SNTG1: variants seen among roughly 807,000 people sequenced by gnomAD.
SNTG1 encodes the protein syntrophin gamma 1, also known as gamma-1-syntrophin.
SNTG1 carries 39 observed loss-of-function variants against 74.7 expected under a neutral mutation model. That is an observed-to-expected ratio of 0.52 (90% CI 0.40 to 0.68). The LOEUF (loss-of-function observed/expected upper bound fraction) is 0.68. Among genes scored for constraint, SNTG1 ranks in the 30% least tolerant of loss-of-function variants. SNTG1 has a pLI of 0.00. For missense variants in SNTG1, 685 were observed against 609.5 expected, an observed-to-expected ratio of 1.12 and a Z score of -1.30; for synonymous variants, 254 against 217.1, an observed-to-expected ratio of 1.17 and a Z score of -1.49.
intron 2 of SNTG1, among the ~76,000 whole-genome samples, chr8:50,237,888 A>G (rs1246862498): frequency 6.6e-6 from 1 of 152,184 alleles, no homozygotes; most frequent in Non-Finnish European, 1.5e-5. Context: ...ATATTTAGAT[A>G]TGAAACTCTG....
In SNTG1 at chr8:50,184,832, C is replaced by T. The variant is rs544102110; in HGVS notation, c.-28+12197C>T. 3.3e-5 allele frequency among the ~76,000 whole-genome samples: 5 copies of T among 152,178 alleles called. No individual in the cohort carries two copies. The South Asian group carries it at 1.0e-3, about 32-fold the overall frequency. On this transcript the variant is annotated intron_variant, in intron 2 of 18. Transcript: ENST00000642720. ...TTGAGGAAAAAAAATTAAAATGTTC[C>T]TAGTTCAGTATTAAATATCCTTTTT...
intron 1 of SNTG1, among the ~76,000 whole-genome samples, chr8:49,978,510 G>A (rs1812390222): frequency 6.6e-6 from 1 of 152,164 alleles, no homozygotes; most frequent in South Asian, 2.1e-4. Context: ...TCATGGCCAC[G>A]ATCACTGAAG....
chr8:49,944,853 T>A (rs1322436263), intron 1 of SNTG1, among the ~76,000 whole-genome samples: 1 of 150,214 alleles, frequency 6.7e-6, no homozygotes, highest in African/African-American at 2.4e-5. Context: ...AGTGGCGCAA[T>A]CTCGGCTCAC....
chr8:50,444,002 G>A (rs1394685868), intron 5 of SNTG1, among the ~76,000 whole-genome samples: 1 of 152,036 alleles, frequency 6.6e-6, no homozygotes, highest in African/African-American at 2.4e-5. Flanking sequence ...TCTGGGCATG[G>A]TGGCACATGC....
Position 49,952,953 on chromosome 8 carries a change from G to C in SNTG1, c.-103+40722G>C, listed in dbSNP as rs1398852073. 1.3e-5 allele frequency among the ~76,000 whole-genome samples: 2 copies of C among 152,164 alleles called. 1 individual carries two copies. The highest frequency in any genetic ancestry group is 2.9e-5 in the Non-Finnish European group (2 of 68,030). On this transcript the variant is annotated intron_variant, in intron 1 of 18. Transcript: ENST00000642720. ...GGCATAGGCAGAAATCAATTGTTCAGTATCATGTACGTTCATGTAGATAAA... is the reference window on the plus strand; with the variant it reads ...GGCATAGGCAGAAATCAATTGTTCACTATCATGTACGTTCATGTAGATAAA...
Position 50,236,447 on chromosome 8 carries a change from TA to T in SNTG1, c.-28+63815del, listed in dbSNP as rs201987420. On this transcript the variant is annotated intron_variant, in intron 2 of 18. Transcript: ENST00000642720. ...AATGTTTACAGAAACTTTTTAATTGTAAATTTTTTTTTTTTTTTTTTGAGAC... is the reference window on the plus strand; with the variant it reads ...AATGTTTACAGAAACTTTTTAATTGTAATTTTTTTTTTTTTTTTTTGAGAC... 4.6e-3 allele frequency among the ~76,000 whole-genome samples: 590 copies of T among 127,972 alleles called. 10 individuals carry two copies. Among genetic ancestry groups the T allele is most frequent in the African/African-American group, 0.013 (488 of 37,988 alleles). 84.0% of individuals were successfully genotyped at this position (127,972 alleles called of 152,430 possible).
chr8:50,148,595 C>G (rs2081954861), intron 1 of SNTG1, among the ~76,000 whole-genome samples: 1 of 152,178 alleles, frequency 6.6e-6, no homozygotes, highest in African/African-American at 2.4e-5. Context: ...GTTCCCCTTC[C>G]TGTGTCCAAG....
In SNTG1 at chr8:49,911,736, G is replaced by T. The variant is rs189555126; in HGVS notation, c.-598G>T. ...ATGGACAGCGTCTCCGGACTGAGCTGCAGCCACAGGGACGGAACTACGCTG... is the reference window on the plus strand; with the variant it reads ...ATGGACAGCGTCTCCGGACTGAGCTTCAGCCACAGGGACGGAACTACGCTG... On this transcript the variant is annotated 5_prime_UTR_variant, in exon 1 of 19. Transcript: ENST00000642720. 27 of 152,320 alleles carry T rather than the reference G, an allele frequency of 1.8e-4. No individual in the cohort carries two copies. The highest frequency in any genetic ancestry group is 1.7e-3 in the Admixed American group (26 of 15,304). 9.4% of individuals were successfully genotyped at this position (152,320 alleles called of 1,614,324 possible). A position where few individuals can be genotyped will look rare whatever the true frequency, so the allele number is the denominator to read the frequency against.
At chr8:50,252,474 A>G (rs1296099495) in intron 2 of SNTG1, among the ~76,000 whole-genome samples, 2 of 151,944 alleles carry the variant, frequency 1.3e-5, no homozygotes, top group African/African-American at 4.8e-5. Context: ...ATTAACTGAG[A>G]AAAAAAGAGA....
At chr8:50,460,202 T>C (rs1281531888) in intron 8 of SNTG1, among the ~76,000 whole-genome samples, 1 of 152,224 alleles carries the variant, frequency 6.6e-6, no homozygotes, top group Non-Finnish European at 1.5e-5. Context: ...TGGTATCTCC[T>C]GTGATTTTAA....
At chr8:50,070,305 T>C (rs1821255640) in intron 1 of SNTG1, among the ~76,000 whole-genome samples, 1 of 152,216 alleles carries the variant, frequency 6.6e-6, no homozygotes, top group Non-Finnish European at 1.5e-5. Flanking sequence ...TGTTCATTAT[T>C]GTGGCTCCCA....
At chr8:50,250,041 A>T (rs919051168) in intron 2 of SNTG1, among the ~76,000 whole-genome samples, 2 of 151,794 alleles carry the variant, frequency 1.3e-5, no homozygotes, top group Non-Finnish European at 2.9e-5. Context: ...ACTCAGGGAG[A>T]TATAAGAGGA....
intron 1 of SNTG1, among the ~76,000 whole-genome samples, chr8:50,008,175 C>A (rs906373965): frequency 6.6e-6 from 1 of 152,064 alleles, no homozygotes. Context: ...ATGTAGGAAG[C>A]AATACTTAGT....
intron 4 of SNTG1, among the ~76,000 whole-genome samples, chr8:50,404,061 A>G (rs1331246332): frequency 6.6e-6 from 1 of 152,186 alleles, no homozygotes; most frequent in African/African-American, 2.4e-5. Context: ...TCTACAAAAG[A>G]TAGAATAACA....
intron 1 of SNTG1, among the ~76,000 whole-genome samples, chr8:49,930,274 A>C (rs1563360619): frequency 6.6e-6 from 1 of 150,480 alleles, no homozygotes; most frequent in South Asian, 2.1e-4. Context: ...AAAAAAAATC[A>C]TTCTTGGTGC....
At chr8:50,498,076 T>C (rs1291022738) in intron 8 of SNTG1, among the ~76,000 whole-genome samples, 1 of 151,984 alleles carries the variant, frequency 6.6e-6, no homozygotes, top group Non-Finnish European at 1.5e-5. Context: ...TGAATATTCA[T>C]GAAAAGTATT....
intron 4 of SNTG1, among the ~76,000 whole-genome samples, chr8:50,422,767 C>A (rs73581332): frequency 0.026 from 4,021 of 152,142 alleles, 165 homozygotes; most frequent in African/African-American, 0.091. Context: ...TTAGGTTTGA[C>A]AATAGTGATG....
At chr8:50,517,646 G>A (rs1163631412) in intron 9 of SNTG1, among the ~76,000 whole-genome samples, 1 of 150,288 alleles carries the variant, frequency 6.7e-6, no homozygotes, top group Non-Finnish European at 1.5e-5. Flanking sequence ...AAATAGCAGG[G>A]GTTGAAATCC....
chr8:50,167,584 C>G (rs1015131148), intron 1 of SNTG1, among the ~76,000 whole-genome samples: 1 of 151,178 alleles, frequency 6.6e-6, no homozygotes, highest in African/African-American at 2.4e-5. Context: ...ATTGCTTGAG[C>G]CCACGAGTTT....
Sources: gnomAD v4.1 joint callset for allele counts (sites outside exome capture counted in the v4.1 genomes callset) on GRCh38, gnomAD v4.1.1 for gene constraint, MANE v1.5 for transcripts, NCBI Gene and HGNC (gene_info 2026-07-23, HGNC 2026-07-21) for gene names.